RALYL: variants seen among roughly 807,000 people sequenced by gnomAD.
The protein encoded by RALYL is RNA-binding Raly-like protein.
Under a neutral mutation model 35.1 loss-of-function variants are expected in RALYL, and 29 were observed. The ratio of observed to expected loss-of-function variants is 0.83; its 90% CI spans 0.61 to 1.13. The LOEUF (loss-of-function observed/expected upper bound fraction) is 1.13. Among genes scored for constraint, RALYL ranks in the 50% most tolerant of loss-of-function variants. The probability of loss-of-function intolerance (pLI) is 0.00; values close to 1 mark genes in which losing one functional copy is unlikely to be tolerated. For synonymous variants in RALYL, 120 were observed against 127.6 expected (o/e 0.94, Z 0.40); for missense variants, 359 against 360.4 (o/e 1.00, Z 0.03).
In RALYL at chr8:84,538,849, G is replaced by A. The variant is rs114589343; in HGVS notation, c.256+9272G>A. The stretch of plus-strand genomic sequence containing the variant: ...GGAAGTGGGAAACTCAAGGCATTAC[G>A]TAACACACATCAAGTGCTACCGGAA... On this transcript the variant is annotated intron_variant, in intron 2 of 8. Transcript: ENST00000521268. Among the ~76,000 whole-genome samples, 1,281 of 152,230 alleles carry A rather than the reference G, an allele frequency of 8.4e-3. 19 individuals carry two copies. The highest frequency in any genetic ancestry group is 0.029 in the African/African-American group (1,189 of 41,552).
At chr8:84,296,232 C>A (rs1163950131) in intron 1 of RALYL, among the ~76,000 whole-genome samples, 1 of 152,018 alleles carries the variant, frequency 6.6e-6, no homozygotes, top group Non-Finnish European at 1.5e-5. Flanking sequence ...GGGTGTATAA[C>A]CACTAAAGCC....
chr8:84,206,221 G>A (rs1394044617), intron 1 of RALYL, among the ~76,000 whole-genome samples: 2 of 152,130 alleles, frequency 1.3e-5, no homozygotes, highest in East Asian at 1.9e-4. Context: ...AATACTAAGA[G>A]TATAGATCAC....
chr8:84,466,575 G>A (rs926441731), intron 1 of RALYL, among the ~76,000 whole-genome samples: 1 of 151,030 alleles, frequency 6.6e-6, no homozygotes, highest in Non-Finnish European at 1.5e-5. Context: ...TTGCATCAAT[G>A]TTCATCAAGG....
intron 1 of RALYL, among the ~76,000 whole-genome samples, chr8:84,427,158 T>G (rs1357327967): frequency 6.6e-6 from 1 of 152,216 alleles, no homozygotes; most frequent in Admixed American, 6.5e-5. Context: ...ATATGCCCAA[T>G]GGAAACTAGC....
Position 84,680,846 on chromosome 8 carries a change from T to A in RALYL, c.257-93733T>A, listed in dbSNP as rs574700366. On this transcript the variant is annotated intron_variant, in intron 2 of 8. Coordinates refer to ENST00000521268, the MANE Select transcript of RALYL (RefSeq NM_173848.7). ...GTTTCTTTTGCTGTGCAGAAGCTCT[T>A]TAGTTTCATTAGATCCCATTTGTCA... Among the ~76,000 whole-genome samples the A allele has an allele frequency of 8.9e-3, 1,348 of 152,052 alleles. 20 individuals are homozygous for A. Among genetic ancestry groups the A allele is most frequent in the African/African-American group, 0.03 (1,248 of 41,320 alleles).
At chr8:84,344,610 G>A (rs10098395) in intron 1 of RALYL, among the ~76,000 whole-genome samples, 8,244 of 151,894 alleles carry the variant, frequency 0.054, 256 homozygotes, top group Middle Eastern at 0.092. Context: ...TATGCAGTGT[G>A]GAATAATTAA....
chr8:84,599,948 TAAAAG>T, intron 2 of RALYL, among the ~76,000 whole-genome samples: 1 of 151,202 alleles, frequency 6.6e-6, no homozygotes, highest in Non-Finnish European at 1.5e-5. Context: ...CCATTATCTG[TAAAAG>T]TATGAACTCT....
intron 2 of RALYL, among the ~76,000 whole-genome samples, chr8:84,755,336 A>G (rs557100838): frequency 6.6e-6 from 1 of 152,288 alleles, no homozygotes; most frequent in South Asian, 2.1e-4. Flanking sequence ...TGTCTGCCAC[A>G]AATACACACA....
intron 5 of RALYL, among the ~76,000 whole-genome samples, chr8:84,856,821 G>A (rs1045523921): frequency 1.3e-5 from 2 of 151,598 alleles, no homozygotes; most frequent in African/African-American, 4.8e-5. Context: ...GAGGTCAGGA[G>A]ATCGAGACCA....
chr8:84,663,518 A>G (rs1436620711), intron 2 of RALYL, among the ~76,000 whole-genome samples: 3 of 151,948 alleles, frequency 2.0e-5, no homozygotes, highest in African/African-American at 7.3e-5. Context: ...AGCCATTCTG[A>G]CTGGTGTGTG....
chr8:84,185,013 C>T (rs1812138358), intron 1 of RALYL: 1 of 1,613,872 alleles, frequency 6.2e-7, no homozygotes, highest in South Asian at 1.1e-5. Context: ...GTAAACGACG[C>T]AGTAGGTCCT....
At chr8:84,649,757 G>A (rs1185394450) in intron 2 of RALYL, among the ~76,000 whole-genome samples, 30 of 152,120 alleles carry the variant, frequency 2.0e-4, no homozygotes, top group South Asian at 6.2e-4. Context: ...TTGACTTGGT[G>A]ATGTGGGCTC....
chr8:84,489,740 T>C (rs1177039125), intron 1 of RALYL, among the ~76,000 whole-genome samples: 2 of 151,914 alleles, frequency 1.3e-5, no homozygotes, highest in East Asian at 3.9e-4. Flanking sequence ...TGAGTAGTAA[T>C]CAGATAGACA....
intron 1 of RALYL, among the ~76,000 whole-genome samples, chr8:84,413,194 G>A (rs1283962717): frequency 6.6e-6 from 1 of 150,852 alleles, no homozygotes; most frequent in Non-Finnish European, 1.5e-5. Context: ...AATAAAAATG[G>A]TAATTTTAAG....
intron 6 of RALYL, among the ~76,000 whole-genome samples, chr8:84,868,765 A>C (rs1839649454): frequency 6.6e-6 from 1 of 152,148 alleles, no homozygotes; most frequent in African/African-American, 2.4e-5. Flanking sequence ...TTATGAATAC[A>C]TATATATGCA....
intron 2 of RALYL, among the ~76,000 whole-genome samples, chr8:84,594,350 C>G (rs920020722): frequency 6.6e-6 from 1 of 151,918 alleles, no homozygotes; most frequent in African/African-American, 2.4e-5. Context: ...TTAAAAACAA[C>G]ATAATTTATT....
At chr8:84,315,480 A>C (rs1039053924) in intron 1 of RALYL, among the ~76,000 whole-genome samples, 2 of 152,176 alleles carry the variant, frequency 1.3e-5, no homozygotes, top group African/African-American at 4.8e-5. Context: ...ACAATTTGCA[A>C]CTTTTAGGAA....
intron 1 of RALYL, among the ~76,000 whole-genome samples, chr8:84,458,959 A>G (rs910753431): frequency 4.0e-5 from 6 of 151,702 alleles, no homozygotes; most frequent in African/African-American, 1.2e-4. Flanking sequence ...GAGAATGAAG[A>G]ATGCTCTAGG....
intron 8 of RALYL, among the ~76,000 whole-genome samples, chr8:84,903,186 G>A (rs1845963611): frequency 1.3e-5 from 2 of 152,090 alleles, no homozygotes; most frequent in South Asian, 4.1e-4. Context: ...TTGAGCTGGG[G>A]TATAGTGTAA....
Sources: gnomAD v4.1 joint callset for allele counts (sites outside exome capture counted in the v4.1 genomes callset) on GRCh38, gnomAD v4.1.1 for gene constraint, MANE v1.5 for transcripts, NCBI Gene and HGNC (gene_info 2026-07-23, HGNC 2026-07-21) for gene names.